CATSPERD: variants seen among roughly 807,000 people sequenced by gnomAD.
CATSPERD encodes the protein cation channel sperm-associated auxiliary subunit delta.
A neutral mutation model predicts 98.1 loss-of-function variants in CATSPERD; 86 were observed. The ratio of observed to expected loss-of-function variants is 0.88; its 90% CI spans 0.74 to 1.05. The LOEUF is 1.05. Ranked by LOEUF, CATSPERD falls within the 50% of genes least tolerant of loss-of-function variation. The probability of loss-of-function intolerance (pLI) is 0.00; values close to 1 mark genes in which losing one functional copy is unlikely to be tolerated. For synonymous variants in CATSPERD, 394 were observed against 390.2 expected (o/e 1.01, Z -0.12); for missense variants, 995 against 1,005.7 (o/e 0.99, Z 0.14).
At chr19:5,775,910 C>T (rs777442755) in intron 20 of CATSPERD, among the ~76,000 whole-genome samples, 25 of 152,106 alleles carry the variant, frequency 1.6e-4, no homozygotes, top group Admixed American at 3.3e-4. Context: ...CAGTGGTATA[C>T]GGAGTTGATC....
In CATSPERD at chr19:5,763,262, A is replaced by C. The variant is rs2056477208; in HGVS notation, c.1475A>C (p.Lys492Thr). 9 of 1,613,986 alleles carry C rather than the reference A, an allele frequency of 5.6e-6. No homozygotes were observed. The highest frequency in any genetic ancestry group is 7.6e-6 in the Non-Finnish European group (9 of 1,179,998). ...ACCTTAACTGTGGACATAGCAAACA[A>C]GGAAATTTCATGTGTGGATATCAAG... The part of the protein sequence containing the change: ...MSTLTVDIAN[K>T]EISCVDIKPL... The change falls in exon 16 of 22, where the codon AAG (lysine) becomes ACG (threonine). Residue 492 changes from lysine to threonine, a missense_variant. Physicochemically the swap from Lys to Thr is moderately conservative, Grantham distance 78. Around this residue, in one of 3 missense-constraint regions of CATSPERD, gnomAD observed 762 missense variants for 773.7 expected, o/e 0.98. Transcript: ENST00000381624.
chr19:5,743,171 C>T (rs556470631), intron 7 of CATSPERD, among the ~76,000 whole-genome samples: 9 of 151,930 alleles, frequency 5.9e-5, no homozygotes, highest in Non-Finnish European at 5.9e-5. Context: ...GGTGTGGTGG[C>T]AGGCGCCTGT....
intron 4 of CATSPERD, 34 bp downstream of exon 4, chr19:5,729,978 A>T (rs760721763): frequency 8.5e-7 from 1 of 1,181,106 alleles, no homozygotes; most frequent in East Asian, 2.4e-5. Flanking sequence ...GAAGGATGCT[A>T]GTATAAGTAA....
At chr19:5,749,606 T>C (rs146653143) in intron 11 of CATSPERD, among the ~76,000 whole-genome samples, 24 of 152,254 alleles carry the variant, frequency 1.6e-4, no homozygotes, top group African/African-American at 5.8e-4. Flanking sequence ...TAAAATACTA[T>C]AGGTGCTGGT....
At chr19:5,771,250 A>G (rs915940448) in intron 19 of CATSPERD, among the ~76,000 whole-genome samples, 178 bp downstream of exon 19, 1 of 152,130 alleles carries the variant, frequency 6.6e-6, no homozygotes, top group Non-Finnish European at 1.5e-5. Context: ...TCTCCCTGGA[A>G]CACCTTTTCT....
chr19:5,762,058 A>ATATATATTTTTTTTT, intron 15 of CATSPERD, among the ~76,000 whole-genome samples: 5 of 10,436 alleles, frequency 4.8e-4, no homozygotes, highest in East Asian at 2.9e-3. Flanking sequence ...ATATATATAT[A>ATATATATTTTTTTTT]TTTTTTTTTT....
chr19:5,721,296 C>T (rs549440559), intron 1 of CATSPERD, among the ~76,000 whole-genome samples: 1 of 152,190 alleles, frequency 6.6e-6, no homozygotes, highest in South Asian at 2.1e-4. Context: ...GCCACCACGC[C>T]GGGCCTAGCC....
Position 5,771,021 on chromosome 19 carries a change from G to T in CATSPERD, c.1712G>T (p.Gly571Val). Reference protein sequence around the residue: ...LHVFYSYQQLGCPLLVYYDTL... With the variant: ...LHVFYSYQQLVCPLLVYYDTL... ...GTGTTTTACTCCTACCAGCAGCTGG[G>T]CTGTCCTCTCCTCGTCTACTATGAC... Residue 571 changes from glycine (G) to valine (V), a missense_variant, in exon 19 of 22, where the codon GGC becomes GTC. Physicochemically the swap from Gly to Val is moderately radical, Grantham distance 109. Around this residue, in one of 3 missense-constraint regions of CATSPERD, gnomAD observed 762 missense variants for 773.7 expected, o/e 0.98. Transcript: ENST00000381624. 1 of 1,614,050 alleles carries T rather than the reference G, an allele frequency of 6.2e-7. No homozygotes were observed. Among genetic ancestry groups the T allele is most frequent in the Non-Finnish European group, 8.5e-7 (1 of 1,179,998 alleles).
chr19:5,778,383 C>T lies in CATSPERD; in HGVS notation c.2104C>T (p.Gln702Ter), dbSNP rs2056770109. 6.2e-7 allele frequency: 1 copy of T among 1,606,850 alleles called. No individual in the cohort carries two copies. The highest frequency in any genetic ancestry group is 8.5e-7 in the Non-Finnish European group (1 of 1,175,174). The change falls in exon 22 of 22, where the codon CAA (glutamine) becomes TAA (stop). Residue 702 changes from glutamine (Q) to a stop codon, truncating the protein, a stop_gained. Transcript: ENST00000381624. LOFTEE classifies it low-confidence loss of function (END_TRUNC). ...CGCCTCCCCCCACCGCAGCTACTGT[C>T]AACTGGAGACCATCTTTAGCATCTA... is the stretch of plus-strand genomic sequence containing the variant. ...SIVDPYYSYC[Q>*]LETIFSIYVY...
At chr19:5,759,288 G>A (rs1163241699) in intron 15 of CATSPERD, 144 bp downstream of exon 15, 9 of 795,540 alleles carry the variant, frequency 1.1e-5, no homozygotes, top group South Asian at 2.9e-5. Flanking sequence ...AGAGCTGGGC[G>A]CGGTGGCTCA....
At chr19:5,771,490 G>C (rs1464762328) in intron 19 of CATSPERD, among the ~76,000 whole-genome samples, 1 of 151,790 alleles carries the variant, frequency 6.6e-6, no homozygotes, top group African/African-American at 2.4e-5. Context: ...CGCCTGCCTT[G>C]GCCTCTCAAA....
intron 15 of CATSPERD, among the ~76,000 whole-genome samples, chr19:5,761,131 G>T (rs191883772): frequency 6.1e-4 from 92 of 151,964 alleles, no homozygotes; most frequent in African/African-American, 2.2e-3. Flanking sequence ...CCGCCTCCTG[G>T]GTTCAAGCCA....
intron 8 of CATSPERD, among the ~76,000 whole-genome samples, chr19:5,744,938 ATCTTT>A (rs1310318678): frequency 6.6e-6 from 1 of 151,236 alleles, no homozygotes; most frequent in Admixed American, 6.6e-5. Flanking sequence ...TTAAAATAGT[ATCTTT>A]TCTTTTTTTA....
At chr19:5,778,272 G>C (rs2056768446) in intron 21 of CATSPERD, 104 bp from the exon 22 acceptor site, 8 of 993,190 alleles carry the variant, frequency 8.1e-6, no homozygotes, top group Non-Finnish European at 1.2e-5. Flanking sequence ...CACTGCTGTG[G>C]GCCTGGTTCT....
At chr19:5,734,049 AGC>A in intron 5 of CATSPERD, 79 bp downstream of exon 5, 1 of 816,312 alleles carries the variant, frequency 1.2e-6, no homozygotes, top group Non-Finnish European at 1.9e-6. Context: ...TGGAAGTATA[AGC>A]GATGCTCCTA....
chr19:5,742,514 G>A (rs1285316324), intron 7 of CATSPERD, among the ~76,000 whole-genome samples: 2 of 152,124 alleles, frequency 1.3e-5, no homozygotes, highest in Non-Finnish European at 2.9e-5. Flanking sequence ...GGGTACAGTG[G>A]CTCTCACCTG....
intron 19 of CATSPERD, 93 bp downstream of exon 19, chr19:5,771,165 C>G (rs2446201): frequency 7.4e-7 from 1 of 1,350,568 alleles, no homozygotes; most frequent in Non-Finnish European, 1.0e-6. Flanking sequence ...CCAGGCTCCC[C>G]TAGATCCCTC....
intron 4 of CATSPERD, among the ~76,000 whole-genome samples, chr19:5,733,070 C>G (rs59460523): frequency 0.043 from 6,428 of 150,148 alleles, 353 homozygotes; most frequent in African/African-American, 0.12. Context: ...CTCGGCTCAC[C>G]GCAACCTCCA....
Position 5,737,137 on chromosome 19 carries a change from GGTATAAAACACCCT to G in CATSPERD, c.394_407del (p.Ile132TyrfsTer6). On this transcript the variant is annotated frameshift_variant and splice_region_variant, in exon 6 of 22. Transcript: ENST00000381624. LOFTEE classifies it high-confidence loss of function. The stretch of plus-strand genomic sequence containing the variant: ...ATTTCAAAATTATATTTTCCTTTCA[GGTATAAAACACCCT>G]GTTACACATGTCTCTGGTGATAATT... The G allele has an allele frequency of 6.3e-7, 1 of 1,592,918 alleles. No individual in the cohort carries two copies. The highest frequency in any genetic ancestry group is 8.6e-7 in the Non-Finnish European group (1 of 1,162,386).
Sources: allele counts gnomAD v4.1 joint callset (sites outside exome capture counted in the v4.1 genomes callset), GRCh38; gene constraint gnomAD v4.1.1; regional missense constraint gnomAD v4.1.1; transcripts MANE v1.5; gene names NCBI Gene and HGNC (gene_info 2026-07-23, HGNC 2026-07-21).